ZC4H2: variants seen among roughly 807,000 people sequenced by gnomAD.
ZC4H2 encodes the protein zinc finger C4H2 domain-containing protein.
For missense variants in ZC4H2, 137 were observed against 173.9 expected, an observed-to-expected ratio of 0.79 and a Z score of 1.19; for synonymous variants, 84 against 66.3, an observed-to-expected ratio of 1.27 and a Z score of -1.30.
intron 1 of ZC4H2, among the ~76,000 whole-genome samples, chrX:64,968,975 T>G (rs1302401467): frequency 9.0e-6 from 1 of 111,721 alleles, no homozygotes; most frequent in Non-Finnish European, 1.9e-5. Flanking sequence ...GAATGTTGTG[T>G]CTTCATATGG....
chrX:64,933,805 T>C (rs1929864243), intron 1 of ZC4H2, among the ~76,000 whole-genome samples: 1 of 111,536 alleles, frequency 9.0e-6, no homozygotes, highest in Non-Finnish European at 1.9e-5. Context: ...TTTCCCCCAT[T>C]TTTATACTTG....
At chrX:64,991,707 G>GA (rs963846120) in intron 1 of ZC4H2, among the ~76,000 whole-genome samples, 2 of 111,848 alleles carry the variant, frequency 1.8e-5, no homozygotes, top group African/African-American at 6.5e-5. Context: ...TATATCCACA[G>GA]AAAAACTTGT....
At chrX:65,027,947 G>A (rs1377096670) in intron 1 of ZC4H2, among the ~76,000 whole-genome samples, 1 of 111,930 alleles carries the variant, frequency 8.9e-6, no homozygotes, top group Non-Finnish European at 1.9e-5. Flanking sequence ...AGAGATCTGA[G>A]CACCTGGAAG....
intron 1 of ZC4H2, among the ~76,000 whole-genome samples, chrX:64,990,480 A>T (rs1160438452): frequency 4.5e-5 from 5 of 111,792 alleles, no homozygotes; most frequent in African/African-American, 1.6e-4. Flanking sequence ...GTGGTATTGT[A>T]CTATAGTTCT....
chrX:64,987,397 G>A (rs1218306252), intron 1 of ZC4H2, among the ~76,000 whole-genome samples: 1 of 108,618 alleles, frequency 9.2e-6, no homozygotes, highest in Non-Finnish European at 1.9e-5. Flanking sequence ...GAAAAGACAT[G>A]GATCAATGGA....
intron 1 of ZC4H2, among the ~76,000 whole-genome samples, chrX:65,028,616 C>A (rs1396769804): frequency 9.1e-6 from 1 of 109,975 alleles, no homozygotes; most frequent in Non-Finnish European, 1.9e-5. Flanking sequence ...ACTGCAACCT[C>A]TGCCTCCTGG....
intron 1 of ZC4H2, among the ~76,000 whole-genome samples, chrX:65,012,467 C>T (rs1473780681): frequency 1.8e-5 from 2 of 111,198 alleles, no homozygotes; most frequent in Non-Finnish European, 3.8e-5. Flanking sequence ...CAAGTTATGT[C>T]TCAGAGAACT....
intron 1 of ZC4H2, among the ~76,000 whole-genome samples, chrX:65,022,443 G>C (rs1431522100): frequency 8.9e-6 from 1 of 111,772 alleles, no homozygotes; most frequent in Non-Finnish European, 1.9e-5. Context: ...TATCTCAGTA[G>C]ATGCAGAAAA....
At chrX:64,994,480 T>A (rs1932372053) in intron 1 of ZC4H2, among the ~76,000 whole-genome samples, 1 of 112,175 alleles carries the variant, frequency 8.9e-6, no homozygotes, top group Non-Finnish European at 1.9e-5. Flanking sequence ...TTCTTAGGGA[T>A]CCATGAAAAG....
intron 1 of ZC4H2, among the ~76,000 whole-genome samples, chrX:64,973,302 T>C (rs764285029): frequency 1.8e-5 from 2 of 110,888 alleles, no homozygotes; most frequent in Non-Finnish European, 3.8e-5. Context: ...TTATTTATAA[T>C]GTTTTGAGTA....
At chrX:65,034,638 G>T (rs1932985000) in exon 1 of ZC4H2, 1 of 111,923 alleles carries the variant, frequency 8.9e-6, no homozygotes, top group Non-Finnish European at 1.9e-5. Context: ...CCTTCACGTC[G>T]CTCCTTCTAG....
chrX:64,957,609 C>G (rs1931205530), intron 1 of ZC4H2, among the ~76,000 whole-genome samples: 2 of 110,877 alleles, frequency 1.8e-5, no homozygotes, highest in South Asian at 7.7e-4. Context: ...TCTGTAACCC[C>G]AGCATTTTGG....
At chrX:64,978,370 G>T (rs971294257), upstream of ZC4H2, among the ~76,000 whole-genome samples, 1 of 112,004 alleles carries the variant, frequency 8.9e-6, no homozygotes, top group African/African-American at 3.3e-5. Flanking sequence ...TGTCTTGAAG[G>T]TTGCTATCTT....
chrX:64,972,717 T>A (rs980401947), intron 1 of ZC4H2, among the ~76,000 whole-genome samples: 4 of 111,917 alleles, frequency 3.6e-5, no homozygotes, highest in African/African-American at 1.3e-4. Flanking sequence ...ATCCCAGATT[T>A]CCTTTGGGAA....
At chrX:65,027,837 G>C (rs1401463362) in intron 1 of ZC4H2, among the ~76,000 whole-genome samples, 1 of 111,684 alleles carries the variant, frequency 9.0e-6, no homozygotes, top group Non-Finnish European at 1.9e-5. Flanking sequence ...CCTTCTGTTT[G>C]AAGTGGGCAT....
chrX:64,998,554 T>G lies in ZC4H2; in HGVS notation c.-272+36075A>C, dbSNP rs1301213010. Among the ~76,000 whole-genome samples the G allele has an allele frequency of 2.7e-5, 3 of 111,814 alleles. No individual in the cohort carries two copies. The Middle Eastern group carries it at 0.014, about 520-fold the overall frequency. ...AATTTGTGGCCTAACATATCATCTA[T>G]CCTCAAAAATATATGCACTTGAGAA... On this transcript the variant is annotated intron_variant, in intron 1 of 4. Coordinates refer to the ZC4H2 transcript ENST00000337990.
At chrX:64,988,125 A>T (rs1238345087) in intron 1 of ZC4H2, among the ~76,000 whole-genome samples, 2 of 108,149 alleles carry the variant, frequency 1.8e-5, no homozygotes, top group African/African-American at 6.8e-5. Context: ...TTCTTAATCC[A>T]CTCTATCATT....
In ZC4H2 at chrX:65,025,232, T is replaced by A. The variant is rs1219008293; in HGVS notation, c.-272+9397A>T. 3.1e-5 allele frequency among the ~76,000 whole-genome samples: 3 copies of A among 95,464 alleles called. No homozygotes were observed. In the Admixed American group the frequency reaches 3.7e-4, roughly 12 times the overall value. The allele number at this position is 95,464 out of a possible 115,157, so 82.9% of individuals were successfully genotyped here. A position where few individuals can be genotyped will look rare whatever the true frequency, so the allele number is the denominator to read the frequency against. Reference sequence around the variant, plus strand: ...AGCACAATTACAGCTCACAGCAGCCTCCACCTCCTAGGCACAAGCCATCCT... The same window carrying A: ...AGCACAATTACAGCTCACAGCAGCCACCACCTCCTAGGCACAAGCCATCCT... On this transcript the variant is annotated intron_variant, in intron 1 of 4. Coordinates refer to the ZC4H2 transcript ENST00000337990.
Position 64,917,435 on chromosome X carries a change from C to CAGACCCT in ZC4H2, c.*341_*347dup. On this transcript the variant is annotated 3_prime_UTR_variant, in exon 5 of 5. Coordinates refer to ENST00000374839, the MANE Select transcript of ZC4H2 (RefSeq NM_018684.4). The stretch of plus-strand genomic sequence containing the variant: ...CAAGATATGGGCCTCCCCTGCCCCT[C>CAGACCCT]AGACCCTACAGCTCCTTAGGCTCCA... The CAGACCCT allele has an allele frequency of 6.1e-6, 1 of 165,127 alleles. No homozygotes were observed. The allele number at this position is 165,127 out of a possible 1,213,427, so 13.6% of individuals were successfully genotyped here.
Sources: allele counts gnomAD v4.1 joint callset (sites outside exome capture counted in the v4.1 genomes callset), GRCh38; gene constraint gnomAD v4.1.1; transcripts MANE v1.5; gene names NCBI Gene and HGNC (gene_info 2026-07-23, HGNC 2026-07-21).